TAF1A: variants seen among roughly 807,000 people sequenced by gnomAD.
TAF1A encodes the protein TATA-box binding protein associated factor, RNA polymerase I subunit A, also known as TATA box-binding protein-associated factor RNA polymerase I subunit A.
Under a neutral mutation model 61.6 loss-of-function variants are expected in TAF1A, and 42 were observed. The observed-to-expected ratio is 0.68, with a 90% CI of 0.53 to 0.88. The LOEUF (loss-of-function observed/expected upper bound fraction) is 0.88, where lower values mean the gene tolerates loss of function less well. TAF1A is among the 40% of genes least tolerant of loss of function. The probability of loss-of-function intolerance (pLI) is 0.00; values close to 1 mark genes in which losing one functional copy is unlikely to be tolerated. For missense variants in TAF1A, 424 were observed against 518.7 expected (o/e 0.82, Z 1.77); for synonymous variants, 179 against 177.7 (o/e 1.01, Z -0.06).
intron 5 of TAF1A, among the ~76,000 whole-genome samples, chr1:222,575,494 ACT>A (rs1043679349): frequency 2.1e-4 from 32 of 151,984 alleles, no homozygotes; most frequent in African/African-American, 6.5e-4. Context: ...ACAGCAAGAG[ACT>A]CCAGACTGAG....
At chr1:222,585,964 T>C (rs1261644261) in intron 2 of TAF1A, among the ~76,000 whole-genome samples, 3 of 152,140 alleles carry the variant, frequency 2.0e-5, no homozygotes, top group Admixed American at 6.5e-5. Context: ...TACAATAAAA[T>C]TTTTTCAGAT....
At chr1:222,583,631 A>G (rs1381839245) in intron 3 of TAF1A, among the ~76,000 whole-genome samples, 1 of 152,074 alleles carries the variant, frequency 6.6e-6, no homozygotes, top group Non-Finnish European at 1.5e-5. Context: ...CGAGGTCAAG[A>G]GATTGAGACC....
intron 2 of TAF1A, among the ~76,000 whole-genome samples, 198 bp downstream of exon 2, chr1:222,588,245 A>G (rs1055695200): frequency 6.6e-6 from 1 of 152,230 alleles, no homozygotes; most frequent in African/African-American, 2.4e-5. Context: ...ATGTGTATCT[A>G]GCATAATACA....
intron 4 of TAF1A, among the ~76,000 whole-genome samples, 177 bp downstream of exon 4, chr1:222,579,582 T>C (rs1660703637): frequency 6.6e-6 from 1 of 152,160 alleles, no homozygotes; most frequent in Non-Finnish European, 1.5e-5. Flanking sequence ...AGGAGGCGCC[T>C]GAAAATCAAG....
intron 10 of TAF1A, among the ~76,000 whole-genome samples, chr1:222,560,312 T>C (rs1659864168): frequency 1.3e-5 from 2 of 152,222 alleles, no homozygotes; most frequent in African/African-American, 4.8e-5. Flanking sequence ...TGATGCCTGA[T>C]ATTTGTAGAG....
Position 222,570,597 on chromosome 1 carries a change from T to C in TAF1A, c.673A>G (p.Asn225Asp), listed in dbSNP as rs1360178840. 6.8e-6 allele frequency: 11 copies of C among 1,613,132 alleles called. No individual in the cohort carries two copies. In the Admixed American group the frequency reaches 1.7e-4, roughly 24 times the overall value. ...GGAATTTTAATCAATGCAGAAATAT[T>C]TGCAGATGTCTTCCAGCTGTGGTTG... ...VFNHSWKTSA[N>D]ISALIKIPGV... The change falls in exon 6 of 11, where the codon AAT (asparagine) becomes GAT (aspartate). Residue 225 changes from asparagine (N) to aspartate (D), a missense_variant. Physicochemically the swap from Asn to Asp is conservative, Grantham distance 23 (BLOSUM62 1). Coordinates refer to ENST00000352967, the MANE Select transcript of TAF1A (RefSeq NM_005681.4).
intron 7 of TAF1A, among the ~76,000 whole-genome samples, chr1:222,566,925 A>G (rs1660140537): frequency 6.6e-6 from 1 of 152,226 alleles, no homozygotes; most frequent in Admixed American, 6.5e-5. Flanking sequence ...ATTACCATAT[A>G]ATCCAGCAAT....
chr1:222,574,389 T>C (rs1383060134), intron 5 of TAF1A, among the ~76,000 whole-genome samples: 3 of 152,174 alleles, frequency 2.0e-5, no homozygotes, highest in African/African-American at 7.2e-5. Flanking sequence ...AAAACTCTAA[T>C]CAGATTGTCG....
intron 5 of TAF1A, among the ~76,000 whole-genome samples, chr1:222,571,797 T>C (rs144977274): frequency 9.2e-5 from 14 of 152,350 alleles, no homozygotes; most frequent in African/African-American, 3.1e-4. Flanking sequence ...TACAGATACA[T>C]GTAATTCCTA....
At chr1:222,568,859 CCAT>C (rs1351708802) in intron 7 of TAF1A, 2 of 152,412 alleles carry the variant, frequency 1.3e-5, no homozygotes, top group Admixed American at 6.5e-5. Context: ...ACCCAAATGT[CCAT>C]CAAGAAGTGA....
chr1:222,584,186 T>C lies in TAF1A; in HGVS notation c.233A>G (p.Tyr78Cys). The C allele has an allele frequency of 6.2e-7, 1 of 1,613,156 alleles. No homozygotes were observed. ...ATCTTCCAAGGTCTGAAAATAACTGTACATGTATTCTGCAGCTTGCTGCCA... is the reference window on the plus strand; with the variant it reads ...ATCTTCCAAGGTCTGAAAATAACTGCACATGTATTCTGCAGCTTGCTGCCA... ...HQWQQAAEYM[Y>C]SYFQTLEDSD... Residue 78 changes from tyrosine to cysteine, a missense_variant, in exon 3 of 11, where the codon TAC becomes TGC. By Grantham distance (194) the Tyr-to-Cys change is radical (BLOSUM62 -2). Coordinates refer to ENST00000352967, the MANE Select transcript of TAF1A (RefSeq NM_005681.4).
chr1:222,569,349 C>T, intron 7 of TAF1A, 161 bp downstream of exon 7: 1 of 1,537,674 alleles, frequency 6.5e-7, no homozygotes, highest in East Asian at 2.4e-5. Context: ...ATGATACATA[C>T]ATGGAGATGG....
intron 1 of TAF1A, 150 bp from the exon 2 acceptor site, chr1:222,588,715 G>A: frequency 1.2e-6 from 1 of 801,634 alleles, no homozygotes; most frequent in Non-Finnish European, 1.8e-6. Flanking sequence ...AGTAAAAAAT[G>A]AATTTAACTA....
intron 3 of TAF1A, among the ~76,000 whole-genome samples, chr1:222,583,837 C>CCA (rs1660900126): frequency 1.1e-5 from 1 of 90,064 alleles, no homozygotes; most frequent in African/African-American, 4.0e-5. Context: ...GACTCCGTCT[C>CCA]AAAAAAAAAA....
intron 4 of TAF1A, 76 bp from the exon 5 acceptor site, chr1:222,577,719 A>G: frequency 1.5e-6 from 2 of 1,335,652 alleles, no homozygotes; most frequent in Admixed American, 3.5e-5. Context: ...TAAATATATA[A>G]TACATGCTGG....
intron 10 of TAF1A, among the ~76,000 whole-genome samples, chr1:222,560,274 G>A (rs1036617380): frequency 6.6e-6 from 1 of 152,212 alleles, no homozygotes; most frequent in East Asian, 1.9e-4. Flanking sequence ...AACAGCCTGA[G>A]AGGAGATGTG....
In TAF1A at chr1:222,558,679, A is replaced by G. The variant is rs1659795678; in HGVS notation, c.1334T>C (p.Ile445Thr). 1 of 1,563,820 alleles carries G rather than the reference A, an allele frequency of 6.4e-7. No individual in the cohort carries two copies. The highest frequency in any genetic ancestry group is 1.9e-5 in the Admixed American group (1 of 53,172). Residue 445 changes from isoleucine (I) to threonine (T), a missense_variant, in exon 11 of 11, where the codon ATT becomes ACT. Physicochemically the swap from Ile to Thr is moderately conservative, Grantham distance 89. Transcript: ENST00000352967. ...TCAGTATCAGAGTCTTGGATTTACA[A>G]TACTGTATTTTTTCACAGATCTCTT... ...RMKRSVKKYSIVNPRL is the reference protein window; with the variant it reads ...RMKRSVKKYSTVNPRL
At chr1:222,577,107 T>C (rs1660602261) in intron 5 of TAF1A, among the ~76,000 whole-genome samples, 2 of 134,360 alleles carry the variant, frequency 1.5e-5, no homozygotes, top group Admixed American at 7.8e-5. Context: ...GTCACCTCCA[T>C]AGAAATTGGA....
chr1:222,583,983 C>G (rs1332157444), intron 3 of TAF1A, 145 bp downstream of exon 3: 5 of 772,114 alleles, frequency 6.5e-6, no homozygotes, highest in Middle Eastern at 3.6e-4. Context: ...CAAAAAAGGT[C>G]CCAATACAAA....
Sources: gnomAD v4.1 joint callset for allele counts (sites outside exome capture counted in the v4.1 genomes callset) on GRCh38, gnomAD v4.1.1 for gene constraint, MANE v1.5 for transcripts, NCBI Gene and HGNC (gene_info 2026-07-23, HGNC 2026-07-21) for gene names.